Variants in ARHGEF3 observed in about 807,000 individuals in gnomAD.
ARHGEF3 encodes Rho guanine nucleotide exchange factor 3.
In ARHGEF3, 28 loss-of-function variants were observed where a neutral mutation model predicts 63.2. The observed-to-expected ratio is 0.44, with a 90% CI of 0.33 to 0.61. The LOEUF (loss-of-function observed/expected upper bound fraction) is 0.61, where lower values mean the gene tolerates loss of function less well. ARHGEF3 is among the 20% of genes least tolerant of loss of function. The pLI, the probability that ARHGEF3 is intolerant of heterozygous loss-of-function variation, is 0.03. For synonymous variants in ARHGEF3, 266 were observed against 254.2 expected (o/e 1.05, Z -0.44); for missense variants, 533 against 659.3 (o/e 0.81, Z 2.10).
At chr3:56,877,952 A>T (rs1158161266) in intron 4 of ARHGEF3, among the ~76,000 whole-genome samples, 1 of 152,190 alleles carries the variant, frequency 6.6e-6, no homozygotes, top group Non-Finnish European at 1.5e-5. Context: ...GTTTGTATAT[A>T]ATGACAGGAA....
intron 3 of ARHGEF3, among the ~76,000 whole-genome samples, chr3:56,951,491 T>A (rs1244598853): frequency 6.6e-6 from 1 of 151,988 alleles, no homozygotes; most frequent in Non-Finnish European, 1.5e-5. Flanking sequence ...TAAACATAAC[T>A]TTTATATGCA....
At chr3:56,840,976 CA>C (rs1267830583) in intron 4 of ARHGEF3, among the ~76,000 whole-genome samples, 1 of 152,064 alleles carries the variant, frequency 6.6e-6, no homozygotes, top group Non-Finnish European at 1.5e-5. Flanking sequence ...CACAGTTAAG[CA>C]GTACCAAAGA....
intron 3 of ARHGEF3, among the ~76,000 whole-genome samples, chr3:56,884,567 G>A (rs997596787): frequency 1.3e-5 from 2 of 152,236 alleles, no homozygotes; most frequent in African/African-American, 4.8e-5. Context: ...GCCATCCCCA[G>A]GAATGCTTAA....
intron 1 of ARHGEF3, among the ~76,000 whole-genome samples, chr3:57,058,274 A>G (rs1476589052): frequency 2.6e-5 from 4 of 152,214 alleles, no homozygotes; most frequent in African/African-American, 9.6e-5. Flanking sequence ...CTCTATTTTC[A>G]CATTTATGAG....
chr3:56,932,230 T>C (rs915484112), intron 3 of ARHGEF3, among the ~76,000 whole-genome samples: 2 of 152,164 alleles, frequency 1.3e-5, no homozygotes, highest in African/African-American at 4.8e-5. Context: ...CTTCAGCTTT[T>C]TGTTCCCTCA....
chr3:56,870,832 A>G (rs527369422), intron 4 of ARHGEF3, among the ~76,000 whole-genome samples: 1 of 146,456 alleles, frequency 6.8e-6, no homozygotes, highest in South Asian at 2.2e-4. Context: ...AAGACAAGGC[A>G]TTCCTCCTTT....
At chr3:56,744,134 C>A (rs2034227007) in intron 7 of ARHGEF3, among the ~76,000 whole-genome samples, 1 of 152,202 alleles carries the variant, frequency 6.6e-6, no homozygotes, top group East Asian at 1.9e-4. Flanking sequence ...GGACCCCTAA[C>A]CCCAGGCCAA....
intron 1 of ARHGEF3, among the ~76,000 whole-genome samples, chr3:57,072,898 T>C (rs773746082): frequency 1.3e-5 from 2 of 151,440 alleles, no homozygotes; most frequent in South Asian, 4.2e-4. Context: ...ATACAAAAAT[T>C]AGCAAGGCGC....
chr3:57,060,337 G>C (rs1035744913), intron 1 of ARHGEF3: 1 of 151,450 alleles, frequency 6.6e-6, no homozygotes, highest in Non-Finnish European at 1.5e-5. Flanking sequence ...CCCAGGGCCC[G>C]TATGCAGCAA....
chr3:56,806,854 T>C (rs2037878714), upstream of ARHGEF3, among the ~76,000 whole-genome samples: 1 of 152,100 alleles, frequency 6.6e-6, no homozygotes, highest in Non-Finnish European at 1.5e-5. Context: ...CTTTGTCCTA[T>C]TAGCGTTATA....
intron 1 of ARHGEF3, among the ~76,000 whole-genome samples, chr3:56,777,498 G>C (rs1362264505): frequency 6.6e-6 from 1 of 151,954 alleles, no homozygotes; most frequent in Non-Finnish European, 1.5e-5. Context: ...CTTCTCTAGG[G>C]GATACAATGA....
At chr3:56,796,417 G>A (rs1006392550) in intron 1 of ARHGEF3, among the ~76,000 whole-genome samples, 2 of 152,188 alleles carry the variant, frequency 1.3e-5, no homozygotes, top group African/African-American at 4.8e-5. Flanking sequence ...AGAACTGACG[G>A]TGGCACCTCC....
At chr3:57,059,034 C>G (rs985897828) in intron 1 of ARHGEF3, among the ~76,000 whole-genome samples, 3 of 150,336 alleles carry the variant, frequency 2.0e-5, no homozygotes, top group African/African-American at 7.3e-5. Context: ...GGAGATATAC[C>G]TAATGTAAAT....
At chr3:57,007,222 T>TG (rs1161490719) in intron 2 of ARHGEF3, 21 of 1,288,932 alleles carry the variant, frequency 1.6e-5, no homozygotes, top group Non-Finnish European at 1.6e-5. Context: ...GAGTCGAAGG[T>TG]GGGGGGGTCA....
intron 3 of ARHGEF3, among the ~76,000 whole-genome samples, chr3:56,897,843 G>C (rs2041357107): frequency 6.6e-6 from 1 of 152,064 alleles, no homozygotes; most frequent in African/African-American, 2.4e-5. Flanking sequence ...GGGATTACAG[G>C]CGTGAGCCAC....
At chr3:56,988,184 G>A (rs1377875474) in intron 2 of ARHGEF3, among the ~76,000 whole-genome samples, 7 of 152,090 alleles carry the variant, frequency 4.6e-5, no homozygotes, top group Admixed American at 1.3e-4. Context: ...TCACTCTGTC[G>A]CCCAGGCAGG....
chr3:56,798,022 A>C (rs926182336), intron 1 of ARHGEF3, among the ~76,000 whole-genome samples: 1 of 152,180 alleles, frequency 6.6e-6, no homozygotes, highest in Non-Finnish European at 1.5e-5. Flanking sequence ...CCTTATTCAT[A>C]AAGTGGAGAG....
At chr3:56,757,702 G>A (rs1387741698) in intron 2 of ARHGEF3, among the ~76,000 whole-genome samples, 1 of 151,702 alleles carries the variant, frequency 6.6e-6, no homozygotes. Context: ...AGTGATTTCT[G>A]TCCTCCTTTA....
intron 7 of ARHGEF3, among the ~76,000 whole-genome samples, chr3:56,743,652 C>G (rs367850098): frequency 6.6e-6 from 1 of 152,148 alleles, no homozygotes; most frequent in Non-Finnish European, 1.5e-5. Flanking sequence ...ATTGTTGTTA[C>G]TACTACTTAT....
Sources: allele counts gnomAD v4.1 joint callset (sites outside exome capture counted in the v4.1 genomes callset), GRCh38; gene constraint gnomAD v4.1.1; transcripts MANE v1.5; gene names NCBI Gene and HGNC (gene_info 2026-07-23, HGNC 2026-07-21).